Variants in NRDC observed in about 807,000 individuals in gnomAD.
The protein encoded by NRDC is nardilysin convertase.
NRDC carries 54 observed loss-of-function variants against 147.1 expected under a neutral mutation model. The observed-to-expected ratio is 0.37, with a 90% CI of 0.29 to 0.46. The LOEUF is 0.46. NRDC is among the 20% of genes least tolerant of loss of function. The pLI is 1.00. For missense variants in NRDC, 1,082 were observed against 1,370.6 expected, an observed-to-expected ratio of 0.79 and a Z score of 3.33; for synonymous variants, 440 against 482.1, an observed-to-expected ratio of 0.91 and a Z score of 1.14.
At chr1:51,839,069 A>AT (rs1392144227) in intron 2 of NRDC, among the ~76,000 whole-genome samples, 1 of 151,972 alleles carries the variant, frequency 6.6e-6, no homozygotes, top group African/African-American at 2.4e-5. Flanking sequence ...TTAAAAAATA[A>AT]TTTTTTCCAA....
chr1:51,873,153 T>C (rs1004063192), intron 1 of NRDC, among the ~76,000 whole-genome samples: 2 of 150,838 alleles, frequency 1.3e-5, no homozygotes, highest in African/African-American at 5.0e-5. Context: ...TAAACCTATG[T>C]TCTTCCCATC....
At chr1:51,828,254 A>C (rs1390692649) in intron 4 of NRDC, among the ~76,000 whole-genome samples, 1 of 152,230 alleles carries the variant, frequency 6.6e-6, no homozygotes. Context: ...TTACCTATAT[A>C]CCTATTTCTA....
intron 1 of NRDC, among the ~76,000 whole-genome samples, chr1:51,852,582 T>A (rs1480941703): frequency 6.8e-4 from 1 of 1,464 alleles, no homozygotes; most frequent in African/African-American, 3.3e-3. Flanking sequence ...ATAGTTTTTT[T>A]AATAGTTTTA....
chr1:51,798,959 G>A (rs1223813536), intron 21 of NRDC: 1 of 152,254 alleles, frequency 6.6e-6, no homozygotes, highest in Non-Finnish European at 1.5e-5. Context: ...AAGTATTCGT[G>A]AGAGGTAACC....
chr1:51,833,924 TA>T, intron 4 of NRDC, 92 bp downstream of exon 4: 1 of 1,118,002 alleles, frequency 8.9e-7, no homozygotes, highest in Non-Finnish European at 1.3e-6. Context: ...CCAAGTAAAG[TA>T]TTGTGACAAT....
chr1:51,835,567 A>G (rs1680926530), intron 3 of NRDC, among the ~76,000 whole-genome samples: 1 of 150,846 alleles, frequency 6.6e-6, no homozygotes, highest in Non-Finnish European at 1.5e-5. Flanking sequence ...CCCAGGTTCA[A>G]ATGATTCTCT....
chr1:51,796,496 T>G (rs1678919862), intron 22 of NRDC, among the ~76,000 whole-genome samples: 1 of 152,142 alleles, frequency 6.6e-6, no homozygotes, highest in Non-Finnish European at 1.5e-5. Flanking sequence ...TGCCTCAGCC[T>G]CCCAAAGTGC....
intron 1 of NRDC, among the ~76,000 whole-genome samples, chr1:51,855,949 G>T (rs1477986909): frequency 6.6e-6 from 1 of 151,914 alleles, no homozygotes; most frequent in Admixed American, 6.6e-5. Flanking sequence ...AAAATGATGC[G>T]CAATCTCACT....
intron 20 of NRDC, among the ~76,000 whole-genome samples, chr1:51,803,545 G>A (rs1382279084): frequency 6.6e-6 from 1 of 151,634 alleles, no homozygotes; most frequent in East Asian, 1.9e-4. Context: ...AAATGCCAGT[G>A]TTGGTTGTGG....
At chr1:51,859,006 G>C (rs542399507) in intron 1 of NRDC, among the ~76,000 whole-genome samples, 29 of 152,236 alleles carry the variant, frequency 1.9e-4, no homozygotes, top group African/African-American at 6.7e-4. Context: ...CTTGGTTTGA[G>C]CAAATGAGGG....
chr1:51,810,218 G>A, intron 16 of NRDC, 63 bp downstream of exon 16: 1 of 1,269,918 alleles, frequency 7.9e-7, no homozygotes, highest in South Asian at 1.6e-5. Context: ...AATTATTAAA[G>A]AATAAACATT....
intron 1 of NRDC, among the ~76,000 whole-genome samples, chr1:51,868,575 T>TA (rs1322328738): frequency 6.6e-6 from 1 of 152,180 alleles, no homozygotes; most frequent in Admixed American, 6.5e-5. Context: ...ATCTATCATG[T>TA]AGTAACAGTA....
intron 8 of NRDC, 106 bp downstream of exon 8, chr1:51,821,392 C>T: frequency 1.5e-6 from 1 of 650,368 alleles, no homozygotes; most frequent in Non-Finnish European, 2.7e-6. Context: ...GGTCTTAATT[C>T]TATCACCTGT....
At chr1:51,818,308 A>T (rs1378875813) in intron 9 of NRDC, among the ~76,000 whole-genome samples, 173 bp from the exon 10 acceptor site, 2 of 152,250 alleles carry the variant, frequency 1.3e-5, no homozygotes, top group African/African-American at 2.4e-5. Flanking sequence ...CAATTTTTGT[A>T]AATTTCTTTT....
At position 51,792,693 on chromosome 1, in the gene NRDC, C is replaced by T. The variant is rs537242305; in HGVS notation, c.2776-269G>A. Reference sequence around the variant, plus strand: ...GGTGAGATTAATAATCCCTGACCTGCCAGATCCTGTCAGAGGACACATTCT... The same window carrying T: ...GGTGAGATTAATAATCCCTGACCTGTCAGATCCTGTCAGAGGACACATTCT... On this transcript the variant is annotated intron_variant, in intron 24 of 30. Transcript: ENST00000352171. Among the ~76,000 whole-genome samples the T allele has an allele frequency of 3.9e-5, 6 of 152,294 alleles. No individual in the cohort carries two copies. The East Asian group carries it at 1.2e-3, about 29-fold the overall frequency.
At chr1:51,817,385 C>A (rs1680020351) in intron 10 of NRDC, among the ~76,000 whole-genome samples, 1 of 143,608 alleles carries the variant, frequency 7.0e-6, no homozygotes, top group Admixed American at 7.7e-5. Context: ...TAGGCATTGA[C>A]TGATCCTTAA....
chr1:51,857,975 T>C (rs1000152468), intron 1 of NRDC, among the ~76,000 whole-genome samples: 6 of 152,180 alleles, frequency 3.9e-5, no homozygotes, highest in African/African-American at 4.8e-5. Flanking sequence ...AGCTATAAGG[T>C]AGAATGTATA....
At position 51,789,630 on chromosome 1, in the gene NRDC, A is replaced by G; in HGVS notation, c.3196T>C (p.Ser1066Pro). Reference protein sequence around the residue: ...EIEALKSFSKSDLVNWFKAHR... With the variant: ...EIEALKSFSKPDLVNWFKAHR... Reference sequence around the variant, plus strand: ...GCCTTGAACCAGTTGACCAGGTCTGATTTTGAGAATGACTTCAGTGCTTCA... The same window carrying G: ...GCCTTGAACCAGTTGACCAGGTCTGGTTTTGAGAATGACTTCAGTGCTTCA... The change falls in exon 30 of 31, where the codon TCA (serine) becomes CCA (proline). Residue 1066 changes from serine to proline, a missense_variant. Coordinates refer to ENST00000352171, the MANE Select transcript of NRDC (RefSeq NM_001101662.2). 2.5e-6 allele frequency: 4 copies of G among 1,613,728 alleles called. No individual in the cohort carries two copies. Among genetic ancestry groups the G allele is most frequent in the Non-Finnish European group, 3.4e-6 (4 of 1,179,634 alleles).
In NRDC at chr1:51,874,217, T is replaced by TA. The variant is rs753872593; in HGVS notation, c.341+4057_341+4058insT. 1.7e-3 allele frequency among the ~76,000 whole-genome samples: 263 copies of TA among 152,176 alleles called. 4 individuals are homozygous for TA. The highest frequency in any genetic ancestry group is 1.2e-3 in the Non-Finnish European group (79 of 68,020). On this transcript the variant is annotated intron_variant, in intron 1 of 30. Transcript: ENST00000352171. ...CTTCTCCATAGAAATACAGGTCTTT[T>TA]TACGAGCAGGTTAAACATGGAAAGT...
Sources: allele counts gnomAD v4.1 joint callset (sites outside exome capture counted in the v4.1 genomes callset), GRCh38; gene constraint gnomAD v4.1.1; transcripts MANE v1.5; gene names NCBI Gene and HGNC (gene_info 2026-07-23, HGNC 2026-07-21).